The following ADAMTSL1 variants were observed in gnomAD, a reference collection of about 807,000 sequenced individuals.
The protein encoded by ADAMTSL1 is ADAMTS like 1.
Under a neutral mutation model 201.8 loss-of-function variants are expected in ADAMTSL1, and 126 were observed. The observed-to-expected ratio is 0.62, with a 90% CI of 0.54 to 0.72. The LOEUF (loss-of-function observed/expected upper bound fraction) is 0.72, where lower values mean the gene tolerates loss of function less well. ADAMTSL1 is among the 30% of genes least tolerant of loss of function. The pLI is 0.00. For synonymous variants in ADAMTSL1, 1,121 were observed against 903.4 expected, an observed-to-expected ratio of 1.24 and a Z score of -4.32; for missense variants, 2,679 against 2,277.8, an observed-to-expected ratio of 1.18 and a Z score of -3.59.
intron 21 of ADAMTSL1, 89 bp downstream of exon 21, chr9:18,817,326 C>G (rs983375017): frequency 7.4e-7 from 1 of 1,358,730 alleles, no homozygotes; most frequent in Non-Finnish European, 1.0e-6. Flanking sequence ...AAATTCTACT[C>G]TCAGGGATAT....
chr9:18,437,440 A>G (rs905506914), intron 2 of ADAMTSL1, among the ~76,000 whole-genome samples: 20 of 152,134 alleles, frequency 1.3e-4, no homozygotes, highest in Middle Eastern at 3.4e-3. Flanking sequence ...ACTGCAGTCT[A>G]TTACTCTGTT....
rs764810852 is a variant in ADAMTSL1 at position 18,777,627 on chromosome 9, C to G, written c.3398C>G (p.Ser1133Trp). The stretch of plus-strand genomic sequence containing the variant: ...CGCAGGACTTCCCCAGTGACTCTCT[C>G]GCCTCATAAACACGTGTCTGGCTTC... ...SERRTSPVTL[S>W]PHKHVSGFSS... The change falls in exon 19 of 29, where the codon TCG becomes TGG. Residue 1133 changes from serine (S) to tryptophan (W), a missense_variant. Ser to Trp is a radical substitution (Grantham distance 177). Coordinates refer to ENST00000380548, the MANE Select transcript of ADAMTSL1 (RefSeq NM_001040272.6). The G allele has an allele frequency of 6.2e-7, 1 of 1,613,660 alleles. No homozygotes were observed. The highest frequency in any genetic ancestry group is 1.7e-5 in the Admixed American group (1 of 59,996).
At chr9:17,969,966 G>A (rs567034105) in intron 1 of ADAMTSL1, among the ~76,000 whole-genome samples, 2 of 152,022 alleles carry the variant, frequency 1.3e-5, no homozygotes, top group Non-Finnish European at 2.9e-5. Context: ...AATAAAAGTT[G>A]AGGATAATAA....
At chr9:18,587,785 C>G (rs548019148) in intron 4 of ADAMTSL1, among the ~76,000 whole-genome samples, 14 of 152,248 alleles carry the variant, frequency 9.2e-5, no homozygotes, top group African/African-American at 2.9e-4. Context: ...CCAGTTCCAT[C>G]CATATTGCTG....
At chr9:18,008,552 C>G (rs1449252445) in intron 1 of ADAMTSL1, among the ~76,000 whole-genome samples, 2 of 151,882 alleles carry the variant, frequency 1.3e-5, no homozygotes, top group African/African-American at 2.4e-5. Context: ...ACACAAATTA[C>G]TCATGCAGAA....
At chr9:18,716,491 T>A (rs1218722235) in intron 14 of ADAMTSL1, among the ~76,000 whole-genome samples, 6 of 151,968 alleles carry the variant, frequency 3.9e-5, no homozygotes, top group Admixed American at 2.0e-4. Context: ...GAAAAAATGC[T>A]CACCATCACT....
At chr9:18,409,202 G>A (rs941735108) in intron 2 of ADAMTSL1, among the ~76,000 whole-genome samples, 3 of 151,612 alleles carry the variant, frequency 2.0e-5, no homozygotes, top group African/African-American at 7.3e-5. Flanking sequence ...TGACCAACAT[G>A]GTGAAAACTC....
rs112087102 is a variant in ADAMTSL1 at position 18,853,310 on chromosome 9, C to T, written c.4249+23333C>T. ...TTGCAGAGCCAGCTGAATGGGATAC[C>T]AGCGTTTTAGTACTCAAATCAGTTC... On this transcript the variant is annotated intron_variant, in intron 23 of 28. Transcript: ENST00000380548. Among the ~76,000 whole-genome samples, 940 of 152,264 alleles carry T rather than the reference C, an allele frequency of 6.2e-3. 10 individuals carry two copies. The highest frequency in any genetic ancestry group is 0.022 in the African/African-American group (900 of 41,548).
At chr9:18,746,531 C>T (rs1056081873) in intron 15 of ADAMTSL1, among the ~76,000 whole-genome samples, 7 of 152,170 alleles carry the variant, frequency 4.6e-5, no homozygotes, top group Admixed American at 3.9e-4. Context: ...CTTCAGTTTG[C>T]TCCTAACCAA....
At chr9:17,907,734 G>C (rs1641457329) in intron 1 of ADAMTSL1, among the ~76,000 whole-genome samples, 1 of 152,142 alleles carries the variant, frequency 6.6e-6, no homozygotes, top group Admixed American at 6.5e-5. Flanking sequence ...TAGGGAAGAG[G>C]GCAGGGGTCC....
intron 16 of ADAMTSL1, among the ~76,000 whole-genome samples, chr9:18,759,102 G>A (rs912023686): frequency 4.6e-5 from 7 of 152,068 alleles, no homozygotes; most frequent in Admixed American, 2.0e-4. Context: ...TCAAGATTGC[G>A]TCCACCCAAC....
rs554130155 is a variant in ADAMTSL1 at position 18,321,112 on chromosome 9, G to T, written c.207+157131G>T. 8.5e-5 allele frequency among the ~76,000 whole-genome samples: 13 copies of T among 152,224 alleles called. No individual in the cohort carries two copies. The South Asian group carries it at 2.7e-3, about 32-fold the overall frequency. The stretch of plus-strand genomic sequence containing the variant: ...ACAAGTAAGTTTTAAGTAAAAGGAT[G>T]GAAACAGATATGACATGCAGACAAG... On this transcript the variant is annotated intron_variant, in intron 2 of 29. Coordinates refer to the ADAMTSL1 transcript ENST00000680146.
intron 2 of ADAMTSL1, among the ~76,000 whole-genome samples, chr9:18,524,451 G>T (rs992898210): frequency 6.6e-6 from 1 of 152,070 alleles, no homozygotes; most frequent in Non-Finnish European, 1.5e-5. Context: ...CTGCCTGATT[G>T]CCCTGGCCAG....
chr9:18,064,266 G>A (rs77792194), intron 1 of ADAMTSL1, among the ~76,000 whole-genome samples: 2,806 of 152,156 alleles, frequency 0.018, 86 homozygotes, highest in African/African-American at 0.064. Context: ...AATGTAGTCT[G>A]TAGGGACATG....
chr9:18,594,040 G>A (rs796865396), intron 4 of ADAMTSL1, among the ~76,000 whole-genome samples: 15 of 151,620 alleles, frequency 9.9e-5, no homozygotes, highest in African/African-American at 3.4e-4. Flanking sequence ...TTGTTTTTTT[G>A]TTGTTTTGAG....
intron 2 of ADAMTSL1, among the ~76,000 whole-genome samples, chr9:18,332,738 G>T (rs1835083853): frequency 1.3e-5 from 2 of 152,214 alleles, no homozygotes; most frequent in African/African-American, 2.4e-5. Context: ...AGCCTATATA[G>T]TTATTTCCCT....
chr9:18,884,886 C>T lies in ADAMTSL1; in HGVS notation c.4250-2945C>T, dbSNP rs577024617. Among the ~76,000 whole-genome samples, 7 of 152,112 alleles carry T rather than the reference C, an allele frequency of 4.6e-5. No individual in the cohort carries two copies. The East Asian group carries it at 1.4e-3, about 29-fold the overall frequency. On this transcript the variant is annotated intron_variant, in intron 23 of 28. Transcript: ENST00000380548. ...TTAGTTATTCTGGGTTTTTGATATT[C>T]CATATAAATTTTAGCATGAGATTCT...
At chr9:18,291,579 T>C (rs1833262853) in intron 2 of ADAMTSL1, among the ~76,000 whole-genome samples, 1 of 152,156 alleles carries the variant, frequency 6.6e-6, no homozygotes, top group Non-Finnish European at 1.5e-5. Flanking sequence ...AGACTCCCTT[T>C]GTCTGTCTTT....
chr9:18,792,747 A>G (rs1822138964), intron 19 of ADAMTSL1, among the ~76,000 whole-genome samples: 1 of 152,238 alleles, frequency 6.6e-6, no homozygotes, highest in Non-Finnish European at 1.5e-5. Flanking sequence ...ACACCTGAAG[A>G]GACTTAGCAA....
Sources: allele counts gnomAD v4.1 joint callset (sites outside exome capture counted in the v4.1 genomes callset), GRCh38; gene constraint gnomAD v4.1.1; transcripts MANE v1.5; gene names NCBI Gene and HGNC (gene_info 2026-07-23, HGNC 2026-07-21).